PPM1H: variants seen among roughly 807,000 people sequenced by gnomAD.
The protein encoded by PPM1H is protein phosphatase, Mg2+/Mn2+ dependent 1H, also known as protein phosphatase 1H.
In PPM1H, 27 loss-of-function variants were observed where a neutral mutation model predicts 54.9. The observed-to-expected ratio is 0.49, with a 90% CI of 0.36 to 0.68. The LOEUF (loss-of-function observed/expected upper bound fraction) is 0.68. Ranked by LOEUF, PPM1H falls within the 30% of genes least tolerant of loss-of-function variation. The pLI, the probability that PPM1H is intolerant of heterozygous loss-of-function variation, is 0.00. For missense variants in PPM1H, 596 were observed against 667.8 expected (o/e 0.89, Z 1.19); for synonymous variants, 305 against 270.8 (o/e 1.13, Z -1.24).
intron 4 of PPM1H, among the ~76,000 whole-genome samples, chr12:62,758,932 C>A (rs2076490729): frequency 6.6e-6 from 1 of 152,316 alleles, no homozygotes; most frequent in South Asian, 2.1e-4. Context: ...CCTAACCGAT[C>A]AATGTACTTT....
intron 6 of PPM1H, among the ~76,000 whole-genome samples, chr12:62,697,485 G>C (rs867247163): frequency 1.3e-5 from 2 of 152,104 alleles, no homozygotes; most frequent in African/African-American, 2.4e-5. Flanking sequence ...ACAGAGAACA[G>C]ACTTTCCTCA....
chr12:62,901,400 A>T (rs1871160618), intron 1 of PPM1H, among the ~76,000 whole-genome samples: 1 of 152,248 alleles, frequency 6.6e-6, no homozygotes, highest in Non-Finnish European at 1.5e-5. Context: ...TAGTTTCATT[A>T]AAAGCTTGCC....
At chr12:62,706,411 T>C (rs2076174579) in intron 6 of PPM1H, among the ~76,000 whole-genome samples, 1 of 152,244 alleles carries the variant, frequency 6.6e-6, no homozygotes, top group Admixed American at 6.5e-5. Context: ...TGCATCCAGG[T>C]GGCCCTGTTG....
chr12:62,758,440 A>C (rs1349456262), intron 4 of PPM1H, among the ~76,000 whole-genome samples: 1 of 152,152 alleles, frequency 6.6e-6, no homozygotes, highest in Non-Finnish European at 1.5e-5. Flanking sequence ...GTTTATTTGT[A>C]GTTAAAATTG....
intron 4 of PPM1H, among the ~76,000 whole-genome samples, chr12:62,775,046 A>G (rs2076601988): frequency 6.6e-6 from 1 of 152,252 alleles, no homozygotes; most frequent in African/African-American, 2.4e-5. Flanking sequence ...GCCTGAGAAT[A>G]GGGGCCCTGC....
At chr12:62,737,445 C>A in intron 5 of PPM1H, 57 bp downstream of exon 5, 1 of 1,258,734 alleles carries the variant, frequency 7.9e-7, no homozygotes, top group Non-Finnish European at 1.1e-6. Context: ...TCCTCCAGAA[C>A]AGCTCCGATG....
intron 2 of PPM1H, among the ~76,000 whole-genome samples, chr12:62,806,873 C>T (rs370228711): frequency 5.1e-4 from 78 of 152,254 alleles, no homozygotes; most frequent in South Asian, 1.0e-3. Flanking sequence ...CACGTACAAA[C>T]ATAAGATCAC....
chr12:62,922,408 G>A (rs1219396857), intron 1 of PPM1H, among the ~76,000 whole-genome samples: 1 of 151,472 alleles, frequency 6.6e-6, no homozygotes, highest in Non-Finnish European at 1.5e-5. Flanking sequence ...CAGGGTCATG[G>A]GACAGCCTGC....
chr12:62,721,201 T>C (rs917819145), intron 5 of PPM1H, among the ~76,000 whole-genome samples: 1 of 152,214 alleles, frequency 6.6e-6, no homozygotes, highest in Non-Finnish European at 1.5e-5. Flanking sequence ...GTATGGGTCA[T>C]AGGCATCTCT....
rs1280633492 is a variant in PPM1H at position 62,934,243 on chromosome 12, C to A, written c.245+249G>T. Among the ~76,000 whole-genome samples, 1 of 152,212 alleles carries A rather than the reference C, an allele frequency of 6.6e-6. No individual in the cohort carries two copies. The highest frequency in any genetic ancestry group is 1.5e-5 in the Non-Finnish European group (1 of 68,036). ...CCTGTCTCACCTTAGCTTTCCCACGCTCCAGCGCTGCCACCCACCCCTCCA... is the reference window on the plus strand; with the variant it reads ...CCTGTCTCACCTTAGCTTTCCCACGATCCAGCGCTGCCACCCACCCCTCCA... On this transcript the variant is annotated intron_variant, in intron 1 of 9. Coordinates refer to ENST00000228705, the MANE Select transcript of PPM1H (RefSeq NM_020700.2). The surrounding 1 kb of genome is among the most constrained non-coding windows in gnomAD (Gnocchi z 4.2).
chr12:62,652,655 T>C (rs371052486), intron 9 of PPM1H, among the ~76,000 whole-genome samples: 5 of 152,222 alleles, frequency 3.3e-5, no homozygotes, highest in African/African-American at 1.2e-4. Flanking sequence ...TTATCAGTTA[T>C]GTTAAATTTT....
chr12:62,727,058 G>T (rs945249213), intron 5 of PPM1H, among the ~76,000 whole-genome samples: 1 of 152,014 alleles, frequency 6.6e-6, no homozygotes, highest in Non-Finnish European at 1.5e-5. Flanking sequence ...AGGATTACAG[G>T]CGCCCGCTAC....
Position 62,689,681 on chromosome 12 carries a change from A to G in PPM1H, c.1245+18T>C. On this transcript the variant is annotated intron_variant, in intron 8 of 9. Transcript: ENST00000228705. ...ATGTTTTATTGCACAAAATATAAACAAAAACCTCATGCGGTACCTCTGGAG... is the reference window on the plus strand; with the variant it reads ...ATGTTTTATTGCACAAAATATAAACGAAAACCTCATGCGGTACCTCTGGAG... 1 of 1,598,514 alleles carries G rather than the reference A, an allele frequency of 6.3e-7. No homozygotes were observed. The highest frequency in any genetic ancestry group is 1.1e-5 in the South Asian group (1 of 89,832).
intron 4 of PPM1H, among the ~76,000 whole-genome samples, chr12:62,741,378 G>A (rs1310413473): frequency 6.6e-6 from 1 of 152,088 alleles, no homozygotes; most frequent in Non-Finnish European, 1.5e-5. Flanking sequence ...CCTCTGCCCC[G>A]TGCTTCATAG....
chr12:62,925,780 C>A (rs1458050432), intron 1 of PPM1H, among the ~76,000 whole-genome samples: 1 of 152,120 alleles, frequency 6.6e-6, no homozygotes, highest in Non-Finnish European at 1.5e-5. Flanking sequence ...ATTTTTGGGG[C>A]AGTTTTGAAT....
At chr12:62,735,195 GTTTTTAATTTTTTTTTTCT>G (rs1429922222) in intron 5 of PPM1H, among the ~76,000 whole-genome samples, 3 of 151,926 alleles carry the variant, frequency 2.0e-5, no homozygotes, top group Non-Finnish European at 2.9e-5. Flanking sequence ...TATGAATATT[GTTTTTAATTTTTTTTTTCT>G]TTTTTTTAAA....
At chr12:62,675,700 G>A (rs781211284) in intron 8 of PPM1H, among the ~76,000 whole-genome samples, 1 of 152,148 alleles carries the variant, frequency 6.6e-6, no homozygotes, top group Non-Finnish European at 1.5e-5. Context: ...TGGTTGAGGG[G>A]TTAAGATGGT....
Position 62,802,164 on chromosome 12 carries a change from T to TGGGAGAGGACGACAGGGAG in PPM1H, c.412-23_412-5dup. 4 of 1,555,540 alleles carry TGGGAGAGGACGACAGGGAG rather than the reference T, an allele frequency of 2.6e-6. No homozygotes were observed. The highest frequency in any genetic ancestry group is 3.5e-6 in the Non-Finnish European group (4 of 1,148,272). On this transcript the variant is annotated splice_polypyrimidine_tract_variant and splice_region_variant and intron_variant, in intron 2 of 9. Coordinates refer to ENST00000228705, the MANE Select transcript of PPM1H (RefSeq NM_020700.2). ...GGCAGGAAACACCCTCGGATTCCTG[T>TGGGAGAGGACGACAGGGAG]GGGAGAGGACGACAGGGAGGAGTGA...
chr12:62,697,282 G>A (rs571107476), intron 6 of PPM1H, among the ~76,000 whole-genome samples: 12 of 152,074 alleles, frequency 7.9e-5, no homozygotes, highest in East Asian at 5.8e-4. Flanking sequence ...GAGTGCCACC[G>A]TGCCCAGCTA....
Sources: allele counts gnomAD v4.1 joint callset (sites outside exome capture counted in the v4.1 genomes callset), GRCh38; gene constraint gnomAD v4.1.1; non-coding constraint Gnocchi (gnomAD v3.1); transcripts MANE v1.5; gene names NCBI Gene and HGNC (gene_info 2026-07-23, HGNC 2026-07-21).